CEP76: variants seen among roughly 807,000 people sequenced by gnomAD.
CEP76 encodes centrosomal protein of 76 kDa.
Under a neutral mutation model 83.3 loss-of-function variants are expected in CEP76, and 55 were observed. That is an observed-to-expected ratio of 0.66 (90% CI 0.53 to 0.83). The LOEUF (loss-of-function observed/expected upper bound fraction) is 0.83, where lower values mean the gene tolerates loss of function less well. Ranked by LOEUF, CEP76 falls within the 40% of genes least tolerant of loss-of-function variation. The probability of loss-of-function intolerance (pLI) is 0.00; values close to 1 mark genes in which losing one functional copy is unlikely to be tolerated. For missense variants in CEP76, 694 were observed against 799.5 expected (o/e 0.87, Z 1.59); for synonymous variants, 270 against 274.5 (o/e 0.98, Z 0.16).
At chr18:12,662,654 A>C (rs929641266) in intron 12 of CEP76, among the ~76,000 whole-genome samples, 3 of 152,176 alleles carry the variant, frequency 2.0e-5, no homozygotes, top group African/African-American at 7.2e-5. Context: ...GTGCACACCT[A>C]TAATCCCAGC....
intron 6 of CEP76, among the ~76,000 whole-genome samples, chr18:12,692,776 A>G (rs1324381688): frequency 2.0e-5 from 3 of 152,220 alleles, no homozygotes; most frequent in Non-Finnish European, 4.4e-5. Context: ...TGTCTAGAAC[A>G]GTGTCTAGCA....
At chr18:12,680,929 T>C in intron 8 of CEP76, 101 bp from the exon 9 acceptor site, 1 of 1,108,658 alleles carries the variant, frequency 9.0e-7, no homozygotes, top group Non-Finnish European at 1.3e-6. Flanking sequence ...CTGGGCACAG[T>C]GGCTCACGCC....
intron 12 of CEP76, among the ~76,000 whole-genome samples, chr18:12,665,290 G>A (rs1429101981): frequency 2.0e-5 from 3 of 152,172 alleles, no homozygotes; most frequent in Non-Finnish European, 4.4e-5. Context: ...GTATAGGCGT[G>A]GTGGTATGTG....
At chr18:12,693,332 G>T (rs2039833595) in intron 6 of CEP76, among the ~76,000 whole-genome samples, 2 of 152,040 alleles carry the variant, frequency 1.3e-5, no homozygotes, top group African/African-American at 4.8e-5. Context: ...GCTGAGGCAG[G>T]TGGATTGCTT....
intron 11 of CEP76, among the ~76,000 whole-genome samples, chr18:12,673,738 G>A (rs556525556): frequency 3.9e-5 from 6 of 152,116 alleles, no homozygotes; most frequent in East Asian, 3.9e-4. Flanking sequence ...AAAATTAGCC[G>A]CGTGTGGTGG....
intron 6 of CEP76, among the ~76,000 whole-genome samples, chr18:12,693,768 C>T (rs560228346): frequency 6.6e-6 from 1 of 152,150 alleles, no homozygotes; most frequent in Admixed American, 6.5e-5. Flanking sequence ...GGCGACAGAG[C>T]GAGACTCTGT....
At position 12,695,202 on chromosome 18, in the gene CEP76, ATAC is replaced by A. The variant is rs370722082; in HGVS notation, c.804+49_804+51del. 5.1e-3 allele frequency: 3,858 copies of A among 753,330 alleles called. 17 individuals are homozygous for A. The highest frequency in any genetic ancestry group is 6.8e-3 in the Non-Finnish European group (3,245 of 474,258). The allele number at this position is 753,330 out of a possible 1,614,324, so 46.7% of individuals were successfully genotyped here. On this transcript the variant is annotated intron_variant, in intron 6 of 11. Coordinates refer to ENST00000262127, the MANE Select transcript of CEP76 (RefSeq NM_024899.4). ...TGCTTTCTAGGATCAACAGGTAAAT[ATAC>A]TACTATGAAAACAAACACACAAAAA...
At position 12,672,928 on chromosome 18, in the gene CEP76, T is replaced by C. The variant is rs2038984275; in HGVS notation, c.*437A>G. Reference sequence around the variant, plus strand: ...TTCACCAATGCAATAAATAAATCTGTCATGAGGTTAATTTCTCCTAATCTG... The same window carrying C: ...TTCACCAATGCAATAAATAAATCTGCCATGAGGTTAATTTCTCCTAATCTG... On this transcript the variant is annotated 3_prime_UTR_variant, in exon 12 of 12. Transcript: ENST00000262127. 2.0e-6 allele frequency: 2 copies of C among 983,190 alleles called. No homozygotes were observed. Among genetic ancestry groups the C allele is most frequent in the African/African-American group, 3.5e-5 (2 of 57,180 alleles). The allele number at this position is 983,190 out of a possible 1,614,324, so 60.9% of individuals were successfully genotyped here.
At chr18:12,666,605 T>G in intron 12 of CEP76, among the ~76,000 whole-genome samples, 1 of 151,926 alleles carries the variant, frequency 6.6e-6, no homozygotes, top group South Asian at 2.1e-4. Flanking sequence ...TGCCTGGTTG[T>G]TGTTGTTTTT....
rs2040194591 is a variant in CEP76 at position 12,702,494 on chromosome 18, G to C, written c.55C>G (p.Leu19Val). Residue 19 changes from leucine (L) to valine (V), a missense_variant, in exon 1 of 12, where the codon CTG becomes GTG. By Grantham distance (32) the Leu-to-Val change is conservative (BLOSUM62 1). Transcript: ENST00000262127. ...SELKQLIHQQ[L>V]SKMDVHGRIR... is the part of the protein sequence containing the mutation. Reference sequence around the variant, plus strand: ...GCACCCGCGACTCTCACCTTGCTCAGCTGCTGGTGGATGAGCTGCTTCAGC... The same window carrying C: ...GCACCCGCGACTCTCACCTTGCTCACCTGCTGGTGGATGAGCTGCTTCAGC... The C allele has an allele frequency of 1.2e-6, 2 of 1,609,300 alleles. No homozygotes were observed. The highest frequency in any genetic ancestry group is 2.7e-5 in the African/African-American group (2 of 74,494).
chr18:12,677,413 C>T (rs1390490862), intron 10 of CEP76, among the ~76,000 whole-genome samples: 4 of 144,230 alleles, frequency 2.8e-5, no homozygotes, highest in East Asian at 4.0e-4. Flanking sequence ...GCCAAGATCA[C>T]GCCACTGCGC....
At position 12,697,253 on chromosome 18, in the gene CEP76, TCA is replaced by T; in HGVS notation, c.674_675del (p.Val225AspfsTer26). Reference sequence around the variant, plus strand: ...CCCATAAGTTCCACAGTCAGACTGGTCACTCCATTTTCTGAGCCCAAAACCGA... The same window carrying T: ...CCCATAAGTTCCACAGTCAGACTGGTCTCCATTTTCTGAGCCCAAAACCGA... ...WRSVLGSENG[V>X]TSLTVELMGV... On this transcript the variant is annotated frameshift_variant, in exon 5 of 12. Coordinates refer to ENST00000262127, the MANE Select transcript of CEP76 (RefSeq NM_024899.4). LOFTEE classifies it high-confidence loss of function. The T allele has an allele frequency of 6.2e-7, 1 of 1,613,692 alleles. No homozygotes were observed. Among genetic ancestry groups the T allele is most frequent in the Non-Finnish European group, 8.5e-7 (1 of 1,179,806 alleles).
intron 9 of CEP76, chr18:12,679,108 A>G (rs1410599404): frequency 6.6e-6 from 1 of 152,204 alleles, no homozygotes; most frequent in Non-Finnish European, 1.5e-5. Context: ...GGCCTCTAGA[A>G]CACACACATT....
In CEP76 at chr18:12,690,706, C is replaced by T. The variant is rs149067520; in HGVS notation, c.933+653G>A. ...TCCTGACCTCTTGATCCACCCACCT[C>T]GGCCTCCCCAAGTGCTGGGATTACA... On this transcript the variant is annotated intron_variant, in intron 7 of 11. Transcript: ENST00000262127. Among the ~76,000 whole-genome samples the T allele has an allele frequency of 8.9e-3, 1,360 of 152,224 alleles. 28 individuals carry two copies. Among genetic ancestry groups the T allele is most frequent in the African/African-American group, 0.03 (1,253 of 41,550 alleles).
chr18:12,673,548 A>G (rs2039007023), intron 11 of CEP76, 45 bp from the exon 12 acceptor site: 1 of 1,420,340 alleles, frequency 7.0e-7, no homozygotes, highest in Non-Finnish European at 9.6e-7. Context: ...GTGACCATAC[A>G]CTTTAATTCC....
At chr18:12,670,226 AGGCTGAGGCAGGAGAACTG>A (rs1467462412), downstream of CEP76, among the ~76,000 whole-genome samples, 1 of 151,916 alleles carries the variant, frequency 6.6e-6, no homozygotes, top group Admixed American at 6.6e-5. Flanking sequence ...GCTACTTGGG[AGGCTGAGGCAGGAGAACTG>A]CTTGAACCTG....
At position 12,699,918 on chromosome 18, in the gene CEP76, G is replaced by GA. The variant is rs376808836; in HGVS notation, c.220-14dup. ...GCTCAACACTGTCCTAGAAAGGCAG[G>GA]AAAAAAAAATCAAAACAAATTAGAA... On this transcript the variant is annotated splice_polypyrimidine_tract_variant and intron_variant, in intron 2 of 11. Coordinates refer to ENST00000262127, the MANE Select transcript of CEP76 (RefSeq NM_024899.4). The GA allele has an allele frequency of 0.01, 15,023 of 1,496,506 alleles. 65 individuals carry two copies. Among genetic ancestry groups the GA allele is most frequent in the Non-Finnish European group, 0.011 (12,508 of 1,112,548 alleles). The allele number at this position is 1,496,506 out of a possible 1,614,324, so 92.7% of individuals were successfully genotyped here. A position where few individuals can be genotyped will look rare whatever the true frequency, so the allele number is the denominator to read the frequency against.
At chr18:12,669,789 T>C (rs1359594836), downstream of CEP76, among the ~76,000 whole-genome samples, 2 of 151,568 alleles carry the variant, frequency 1.3e-5, no homozygotes, top group Admixed American at 6.6e-5. Context: ...TCACCTGAGG[T>C]CGGGAGTTTG....
In CEP76 at chr18:12,694,364, C is replaced by A. The variant is rs141149152; in HGVS notation, c.804+890G>T. Among the ~76,000 whole-genome samples the A allele has an allele frequency of 1.4e-3, 213 of 152,244 alleles. 1 individual carries two copies. Among genetic ancestry groups the A allele is most frequent in the Middle Eastern group, 0.014 (4 of 294 alleles). On this transcript the variant is annotated intron_variant, in intron 6 of 11. Coordinates refer to ENST00000262127, the MANE Select transcript of CEP76 (RefSeq NM_024899.4). ...GTGTATGTAATCAAGGAGAACCATTCCACAAGTGCCATCCCGGCAAGTCAG... is the reference window on the plus strand; with the variant it reads ...GTGTATGTAATCAAGGAGAACCATTACACAAGTGCCATCCCGGCAAGTCAG...
Sources: gnomAD v4.1 joint callset for allele counts (sites outside exome capture counted in the v4.1 genomes callset) on GRCh38, gnomAD v4.1.1 for gene constraint, MANE v1.5 for transcripts, NCBI Gene and HGNC (gene_info 2026-07-23, HGNC 2026-07-21) for gene names.